Variants in NRXN1 observed in about 807,000 individuals in gnomAD.
NRXN1 encodes neurexin 1.
In NRXN1, 39 loss-of-function variants were observed where a neutral mutation model predicts 150.9. The ratio of observed to expected loss-of-function variants is 0.26; its 90% CI spans 0.20 to 0.34. The LOEUF (loss-of-function observed/expected upper bound fraction) is 0.34, where lower values mean the gene tolerates loss of function less well. Among genes scored for constraint, NRXN1 ranks in the 10% least tolerant of loss-of-function variants. The probability of loss-of-function intolerance (pLI) is 1.00; values close to 1 mark genes in which losing one functional copy is unlikely to be tolerated. For synonymous variants in NRXN1, 924 were observed against 757.0 expected (o/e 1.22, Z -3.62); for missense variants, 1,815 against 1,949.9 (o/e 0.93, Z 1.30).
intron 17 of NRXN1, among the ~76,000 whole-genome samples, chr2:50,391,845 C>G (rs776714741): frequency 6.6e-6 from 1 of 152,062 alleles, no homozygotes; most frequent in African/African-American, 2.4e-5. Flanking sequence ...TGTCTCTTCT[C>G]TTTTTACATG....
At chr2:50,292,029 G>C (rs981643738) in intron 17 of NRXN1, among the ~76,000 whole-genome samples, 1 of 152,082 alleles carries the variant, frequency 6.6e-6, no homozygotes, top group African/African-American at 2.4e-5. Flanking sequence ...CAACCATTCT[G>C]CAGGTTACCA....
intron 17 of NRXN1, among the ~76,000 whole-genome samples, chr2:50,364,979 A>G (rs2079486011): frequency 6.6e-6 from 1 of 152,096 alleles, no homozygotes; most frequent in South Asian, 2.1e-4. Context: ...AAAAAAAGAA[A>G]AGAAAAACCA....
chr2:50,590,381 GT>G (rs1673956480), intron 8 of NRXN1, among the ~76,000 whole-genome samples: 1 of 151,980 alleles, frequency 6.6e-6, no homozygotes, highest in South Asian at 2.1e-4. Flanking sequence ...GAACTATTTT[GT>G]TTAATGCCAC....
chr2:50,578,965 G>A (rs1384292370), intron 8 of NRXN1, among the ~76,000 whole-genome samples: 2 of 152,134 alleles, frequency 1.3e-5, no homozygotes, highest in African/African-American at 4.8e-5. Flanking sequence ...TAGATACCAT[G>A]TAACCATCAC....
rs1431991999 is a variant in NRXN1 at position 50,071,150 on chromosome 2, A to C, written c.3719-16106T>G. Among the ~76,000 whole-genome samples the C allele has an allele frequency of 5.3e-5, 8 of 152,244 alleles. No individual in the cohort carries two copies. The East Asian group carries it at 1.5e-3, about 29-fold the overall frequency. On this transcript the variant is annotated intron_variant, in intron 19 of 22. Transcript: ENST00000401669. ...GTTAGGCTGTGTCATATACAAGAAG[A>C]AGCCTGAACTAACTAGGCCGTATAA...
intron 12 of NRXN1, among the ~76,000 whole-genome samples, chr2:50,515,344 A>G (rs2092597607): frequency 6.6e-6 from 1 of 152,174 alleles, no homozygotes; most frequent in Non-Finnish European, 1.5e-5. Context: ...TAATGATTTC[A>G]TTATATATTA....
intron 5 of NRXN1, among the ~76,000 whole-genome samples, chr2:50,840,754 A>G (rs1292525754): frequency 6.6e-6 from 1 of 152,078 alleles, no homozygotes; most frequent in Non-Finnish European, 1.5e-5. Context: ...CAAATGATCC[A>G]CTCTATAGAA....
At chr2:50,312,170 T>C (rs2075238793) in intron 17 of NRXN1, among the ~76,000 whole-genome samples, 1 of 152,182 alleles carries the variant, frequency 6.6e-6, no homozygotes, top group African/African-American at 2.4e-5. Context: ...CTAATAGATT[T>C]ACCCTTTACC....
At chr2:50,705,371 A>C (rs1161042569) in intron 5 of NRXN1, among the ~76,000 whole-genome samples, 2 of 152,144 alleles carry the variant, frequency 1.3e-5, no homozygotes, top group African/African-American at 4.8e-5. Flanking sequence ...GGTATCAATA[A>C]TTATGTTAAA....
At chr2:50,968,586 T>A (rs2104763408) in intron 2 of NRXN1, among the ~76,000 whole-genome samples, 1 of 152,228 alleles carries the variant, frequency 6.6e-6, no homozygotes, top group East Asian at 1.9e-4. Flanking sequence ...ACTAAATCAC[T>A]CTTACAAATC....
chr2:50,226,189 T>C (rs886881794), intron 18 of NRXN1, among the ~76,000 whole-genome samples: 1 of 152,004 alleles, frequency 6.6e-6, no homozygotes, highest in African/African-American at 2.4e-5. Flanking sequence ...ATTTTTTCCT[T>C]TTGAAGTTTT....
intron 2 of NRXN1, among the ~76,000 whole-genome samples, chr2:50,975,647 C>T (rs1695703703): frequency 6.6e-6 from 1 of 152,060 alleles, no homozygotes; most frequent in Non-Finnish European, 1.5e-5. Context: ...TCCTATCTAA[C>T]TATGTGGACA....
intron 18 of NRXN1, among the ~76,000 whole-genome samples, chr2:50,228,269 CT>C (rs936680664): frequency 6.6e-6 from 1 of 152,004 alleles, no homozygotes; most frequent in Non-Finnish European, 1.5e-5. Context: ...CTAATTCCAT[CT>C]TTTTTTCCTT....
At position 50,647,224 on chromosome 2, in the gene NRXN1, C is replaced by G. The variant is rs74861929; in HGVS notation, c.833-23609G>C. Among the ~76,000 whole-genome samples the G allele has an allele frequency of 3.4e-4, 52 of 151,890 alleles. 2 individuals are homozygous for G. The East Asian group carries it at 0.01, about 30-fold the overall frequency. On this transcript the variant is annotated intron_variant, in intron 5 of 22. Coordinates refer to ENST00000401669, the MANE Select transcript of NRXN1 (RefSeq NM_001330078.2). ...AGCGGAAACTTACAGATAGTAGGCC[C>G]AGGGAAAATATAAATTATTTTATAT...
intron 5 of NRXN1, among the ~76,000 whole-genome samples, chr2:50,813,288 A>G (rs1042483983): frequency 6.6e-6 from 1 of 152,106 alleles, no homozygotes. Flanking sequence ...TATTTTTACC[A>G]TTTTCTTTTT....
chr2:50,510,536 A>G (rs2092415238), intron 12 of NRXN1, among the ~76,000 whole-genome samples: 1 of 150,888 alleles, frequency 6.6e-6, no homozygotes, highest in Admixed American at 6.6e-5. Context: ...AGAAAGAAAG[A>G]AAAGAAAGAC....
chr2:50,710,437 G>A (rs183254595), intron 5 of NRXN1, among the ~76,000 whole-genome samples: 1 of 152,250 alleles, frequency 6.6e-6, no homozygotes, highest in African/African-American at 2.4e-5. Flanking sequence ...TATGCACAGA[G>A]AGGATCTTAT....
At chr2:50,499,751 C>T (rs2091846952) in intron 13 of NRXN1, among the ~76,000 whole-genome samples, 1 of 151,828 alleles carries the variant, frequency 6.6e-6, no homozygotes, top group Admixed American at 6.6e-5. Flanking sequence ...AGTTTGAGAC[C>T]AGCCTGGCCA....
Position 50,901,779 on chromosome 2 carries a change from A to G in NRXN1, c.832+20090T>C, listed in dbSNP as rs549697109. 5.3e-5 allele frequency among the ~76,000 whole-genome samples: 8 copies of G among 152,326 alleles called. No individual in the cohort carries two copies. In the East Asian group the frequency reaches 1.4e-3, roughly 26 times the overall value. On this transcript the variant is annotated intron_variant, in intron 5 of 22. Transcript: ENST00000401669. ...AAACAACAATCCAAAGAAACTGCCA[A>G]TAGTCCACAAGTTCTTCAGTAAATG...
Sources: gnomAD v4.1 joint callset for allele counts (sites outside exome capture counted in the v4.1 genomes callset) on GRCh38, gnomAD v4.1.1 for gene constraint, MANE v1.5 for transcripts, NCBI Gene and HGNC (gene_info 2026-07-23, HGNC 2026-07-21) for gene names.